Variants in PPM1J observed in about 807,000 individuals in gnomAD.
The protein encoded by PPM1J is protein phosphatase, Mg2+/Mn2+ dependent 1J.
Under a neutral mutation model 53.3 loss-of-function variants are expected in PPM1J, and 43 were observed. The ratio of observed to expected loss-of-function variants is 0.81; its 90% CI spans 0.63 to 1.04. The LOEUF is 1.04. Among genes scored for constraint, PPM1J ranks in the 50% least tolerant of loss-of-function variants. The pLI, the probability that PPM1J is intolerant of heterozygous loss-of-function variation, is 0.00. For synonymous variants in PPM1J, 267 were observed against 286.4 expected (o/e 0.93, Z 0.68); for missense variants, 635 against 685.9 (o/e 0.93, Z 0.83).
At chr1:112,714,746 G>A (rs1675156053) in intron 1 of PPM1J, 4 of 1,256,440 alleles carry the variant, frequency 3.2e-6, no homozygotes, top group South Asian at 6.1e-5. Context: ...GCGTGGGCGA[G>A]GGCAGTCAAT....
At position 112,710,474 on chromosome 1, in the gene PPM1J, A is replaced by C. The variant is rs1387211569; in HGVS notation, c.1356T>G (p.Pro452=). ...TVDRVLSAYE[P]NDHSRYTALA... is the part of the protein sequence containing the mutation. ...GCAGCCCCTACCTGCTGTGGTCATT[A>C]GGCTCATAGGCCGACAGCACCCTGT... The change falls in exon 9 of 10, where the codon CCT becomes CCG. Residue 452 remains proline, a synonymous_variant. Coordinates refer to ENST00000309276, the MANE Select transcript of PPM1J (RefSeq NM_005167.7). 6.2e-7 allele frequency: 1 copy of C among 1,613,922 alleles called. No individual in the cohort carries two copies. The highest frequency in any genetic ancestry group is 1.7e-5 in the Admixed American group (1 of 60,024).
In PPM1J at chr1:112,715,188, G is replaced by A. The variant is rs773965437; in HGVS notation, c.114C>T (p.Ala38=). 6.8e-7 allele frequency: 1 copy of A among 1,472,918 alleles called. No individual in the cohort carries two copies. The highest frequency in any genetic ancestry group is 8.9e-7 in the Non-Finnish European group (1 of 1,125,960). 91.2% of individuals were successfully genotyped at this position (1,472,918 alleles called of 1,614,324 possible). Residue 38 remains alanine (A), a synonymous_variant, in exon 1 of 10, where the codon GCC becomes GCT. Coordinates refer to ENST00000309276, the MANE Select transcript of PPM1J (RefSeq NM_005167.7). The surrounding 1 kb of genome is among the most constrained non-coding windows in gnomAD (Gnocchi z 4.4). ...LPNAASAPPA[A]APEAPRSPPA... The stretch of plus-strand genomic sequence containing the variant: ...GAGGGCTCCTGGGCGCTTCTGGAGC[G>A]GCGGCGGGCGGCGCCGAGGCGGCGT...
chr1:112,712,368 G>T lies in PPM1J; in HGVS notation c.819C>A (p.Tyr273Ter), dbSNP rs180906226. The change falls in exon 4 of 10, where the codon TAC becomes TAA. Residue 273 changes from tyrosine (Y) to a stop codon, truncating the protein, a stop_gained. Coordinates refer to ENST00000309276, the MANE Select transcript of PPM1J (RefSeq NM_005167.7). LOFTEE classifies it high-confidence loss of function. ...LVVIYLLGKV[Y>*]VANAGDSRAI... ...ACCTGCTATCGCCTGCATTGGCCAC[G>T]TACACCTTGCCTAGCAGGTAGATCA... The T allele has an allele frequency of 6.2e-7, 1 of 1,613,410 alleles. No homozygotes were observed. The highest frequency in any genetic ancestry group is 1.1e-5 in the South Asian group (1 of 91,004).
chr1:112,711,933 G>A (rs769531034), intron 5 of PPM1J, 38 bp downstream of exon 5: 9 of 1,475,420 alleles, frequency 6.1e-6, no homozygotes, highest in African/African-American at 2.8e-5. Flanking sequence ...CACAAGACCC[G>A]ACAAAGAATG....
intron 6 of PPM1J, 92 bp from the exon 7 acceptor site, chr1:112,711,163 G>C: frequency 6.8e-7 from 1 of 1,470,824 alleles, no homozygotes; most frequent in Non-Finnish European, 9.5e-7. Context: ...CCTTAGAAGG[G>C]CCACATCCTC....
At position 112,710,499 on chromosome 1, in the gene PPM1J, T is replaced by C. The variant is rs749046149; in HGVS notation, c.1331A>G (p.Asp444Gly). The change falls in exon 9 of 10, where the codon GAC (aspartate) becomes GGC (glycine). Residue 444 changes from aspartate to glycine, a missense_variant. Transcript: ENST00000309276. The stretch of plus-strand genomic sequence containing the variant: ...AGGCTCATAGGCCGACAGCACCCTG[T>C]CCACAGTGGCAGCTACCTCACAGTC... Reference protein sequence around the residue: ...TTDCEVAATVDRVLSAYEPND... With the variant: ...TTDCEVAATVGRVLSAYEPND... 3 of 1,614,070 alleles carry C rather than the reference T, an allele frequency of 1.9e-6. No homozygotes were observed. The highest frequency in any genetic ancestry group is 2.5e-6 in the Non-Finnish European group (3 of 1,180,026).
intron 1 of PPM1J, chr1:112,714,615 T>A: frequency 9.2e-7 from 1 of 1,090,104 alleles, no homozygotes; most frequent in African/African-American, 1.6e-5. Context: ...ACCCCGCTCC[T>A]TCGTGAAACC....
chr1:112,710,508 G>A lies in PPM1J; in HGVS notation c.1322C>T (p.Ala441Val), dbSNP rs1431808336. 3.1e-6 allele frequency: 5 copies of A among 1,614,116 alleles called. No homozygotes were observed. Among genetic ancestry groups the A allele is most frequent in the African/African-American group, 2.7e-5 (2 of 75,044 alleles). ...GGCCGACAGCACCCTGTCCACAGTG[G>A]CAGCTACCTCACAGTCAGTAGTGAC... ...WDVTTDCEVA[A>V]TVDRVLSAYE... is the part of the protein sequence containing the mutation. Residue 441 changes from alanine (A) to valine (V), a missense_variant, in exon 9 of 10, where the codon GCC becomes GTC. Coordinates refer to ENST00000309276, the MANE Select transcript of PPM1J (RefSeq NM_005167.7).
rs1675170967 is a variant in PPM1J, at chr1:112,715,184, G to C, written c.118C>G (p.Pro40Ala). 6.7e-7 allele frequency: 1 copy of C among 1,483,696 alleles called. No homozygotes were observed. The highest frequency in any genetic ancestry group is 2.7e-5 in the East Asian group (1 of 36,520). The allele number at this position is 1,483,696 out of a possible 1,614,324, so 91.9% of individuals were successfully genotyped here. Reference protein sequence around the residue: ...NAASAPPAAAPEAPRSPPAKA... With the variant: ...NAASAPPAAAAEAPRSPPAKA... ...GCGGGAGGGCTCCTGGGCGCTTCTG[G>C]AGCGGCGGCGGGCGGCGCCGAGGCG... The change falls in exon 1 of 10, where the codon CCA becomes GCA. Residue 40 changes from proline (P) to alanine (A), a missense_variant. Coordinates refer to ENST00000309276, the MANE Select transcript of PPM1J (RefSeq NM_005167.7). The surrounding 1 kb of genome is among the most constrained non-coding windows in gnomAD (Gnocchi z 4.4).
chr1:112,711,147 C>T (rs1675047323), intron 6 of PPM1J, 76 bp from the exon 7 acceptor site: 2 of 1,507,666 alleles, frequency 1.3e-6, no homozygotes, highest in Admixed American at 1.7e-5. Flanking sequence ...TACCCTCACA[C>T]AAACCCCTTA....
At chr1:112,711,887 G>A in intron 5 of PPM1J, 84 bp downstream of exon 5, 1 of 911,266 alleles carries the variant, frequency 1.1e-6, no homozygotes, top group East Asian at 2.6e-5. Context: ...TGTGGTGGGG[G>A]TGTGAGAGTT....
chr1:112,714,333 C>T (rs1482035965), intron 1 of PPM1J: 15 of 985,458 alleles, frequency 1.5e-5, no homozygotes, highest in Non-Finnish European at 1.8e-5. Flanking sequence ...ACACACAGCC[C>T]GGGGGCCAGC....
rs771234078 is a variant in PPM1J, at chr1:112,710,983, C to T, written c.1110+25G>A. ...AAGTTGTGATAGGTCCTCCTCCCCT[C>T]TCCCACCTCTACCATGGAGTTTACC... is the stretch of plus-strand genomic sequence containing the variant. On this transcript the variant is annotated intron_variant, in intron 7 of 9. Coordinates refer to ENST00000309276, the MANE Select transcript of PPM1J (RefSeq NM_005167.7). 2.5e-6 allele frequency: 4 copies of T among 1,608,910 alleles called. No individual in the cohort carries two copies. In the South Asian group the frequency reaches 4.4e-5, roughly 18 times the overall value.
Position 112,712,400 on chromosome 1 carries a change from G to C in PPM1J, c.787C>G (p.Leu263Val), listed in dbSNP as rs542707419. ...GHQVEGGCCA[L>V]VVIYLLGKVY... is the part of the protein sequence containing the mutation. ...TTGCCTAGCAGGTAGATCACAACCAGTGCACAGCAGCCCCCCTCCACTTGG... is the reference window on the plus strand; with the variant it reads ...TTGCCTAGCAGGTAGATCACAACCACTGCACAGCAGCCCCCCTCCACTTGG... Residue 263 changes from leucine to valine, a missense_variant, in exon 4 of 10, where the codon CTG (leucine) becomes GTG (valine). Transcript: ENST00000309276. 1.1e-5 allele frequency: 17 copies of C among 1,613,980 alleles called. No individual in the cohort carries two copies. In the East Asian group the frequency reaches 3.6e-4, roughly 34 times the overall value.
chr1:112,712,517 C>A, intron 3 of PPM1J, 60 bp from the exon 4 acceptor site: 1 of 1,433,550 alleles, frequency 7.0e-7, no homozygotes, highest in Non-Finnish European at 9.7e-7. Flanking sequence ...CACAGTCACC[C>A]TCCCCCTACC....
At position 112,710,022 on chromosome 1, in the gene PPM1J, A is replaced by G; in HGVS notation, c.*141T>C. ...CTTTATCCATCTCGTTTATTTGCCAATAGCTGTAATTTTGGATATAGCGGA... is the reference window on the plus strand; with the variant it reads ...CTTTATCCATCTCGTTTATTTGCCAGTAGCTGTAATTTTGGATATAGCGGA... On this transcript the variant is annotated 3_prime_UTR_variant, in exon 10 of 10. Transcript: ENST00000309276. 5 of 1,454,116 alleles carry G rather than the reference A, an allele frequency of 3.4e-6. No individual in the cohort carries two copies. The highest frequency in any genetic ancestry group is 4.5e-6 in the Non-Finnish European group (5 of 1,105,356). The allele number at this position is 1,454,116 out of a possible 1,614,324, so 90.1% of individuals were successfully genotyped here. A position where few individuals can be genotyped will look rare whatever the true frequency, so the allele number is the denominator to read the frequency against.
intron 4 of PPM1J, 128 bp downstream of exon 4, chr1:112,712,217 T>G (rs1675079757): frequency 2.1e-6 from 2 of 948,846 alleles, no homozygotes; most frequent in Non-Finnish European, 3.2e-6. Flanking sequence ...AGGCCACTCC[T>G]TATGTCTGTC....
chr1:112,713,064 T>TTTTGTGTG (rs147819439), intron 2 of PPM1J, 33 bp from the exon 3 acceptor site: 2 of 1,032,024 alleles, frequency 1.9e-6, no homozygotes, highest in East Asian at 5.1e-5. Flanking sequence ...TGAGTTTTGT[T>TTTTGTGTG]TGTGTGTGTG....
rs200822626 is a variant in PPM1J at position 112,710,790 on chromosome 1, C to G, written c.1172G>C (p.Cys391Ser). 9.3e-6 allele frequency: 15 copies of G among 1,613,952 alleles called. No individual in the cohort carries two copies. In the East Asian group the frequency reaches 3.3e-4, roughly 36 times the overall value. The change falls in exon 8 of 10, where the codon TGC (cysteine) becomes TCC (serine). Residue 391 changes from cysteine to serine, a missense_variant. Coordinates refer to ENST00000309276, the MANE Select transcript of PPM1J (RefSeq NM_005167.7). ...RGLGDHSLKV[C>S]SSTLPIKPFL... ...GGGCTTGATGGGCAGGGTGGAACTG[C>G]AGACCTTAAGGCTGTGGTCTCCCAA... is the stretch of plus-strand genomic sequence containing the variant.
Sources: allele counts gnomAD v4.1 joint callset, GRCh38; gene constraint gnomAD v4.1.1; non-coding constraint Gnocchi (gnomAD v3.1); transcripts MANE v1.5; gene names NCBI Gene and HGNC (gene_info 2026-07-23, HGNC 2026-07-21).